The following ZDHHC15 variants were observed in gnomAD, a reference collection of about 807,000 sequenced individuals.
ZDHHC15 encodes palmitoyltransferase ZDHHC15.
In ZDHHC15, 19 loss-of-function variants were observed where a neutral mutation model predicts 31.7. That is an observed-to-expected ratio of 0.60 (90% CI 0.42 to 0.88). The LOEUF (loss-of-function observed/expected upper bound fraction) is 0.88, where lower values mean the gene tolerates loss of function less well. Among genes scored for constraint, ZDHHC15 ranks in the 40% least tolerant of loss-of-function variants. The probability of loss-of-function intolerance (pLI) is 0.00; values close to 1 mark genes in which losing one functional copy is unlikely to be tolerated. For synonymous variants in ZDHHC15, 103 were observed against 90.0 expected, an observed-to-expected ratio of 1.14 and a Z score of -0.82; for missense variants, 209 against 251.2, an observed-to-expected ratio of 0.83 and a Z score of 1.14.
At position 75,478,789 on chromosome X, in the gene ZDHHC15, A is replaced by G. The variant is rs139448429; in HGVS notation, c.258+102T>C. On this transcript the variant is annotated intron_variant, in intron 3 of 11. Transcript: ENST00000373367. Reference sequence around the variant, plus strand: ...CTAGGAGTTCTTTAAGATTACCCTGACTCTTTCGTATTATTTACTCCTCTT... The same window carrying G: ...CTAGGAGTTCTTTAAGATTACCCTGGCTCTTTCGTATTATTTACTCCTCTT... 1.1e-3 allele frequency: 650 copies of G among 595,202 alleles called. 2 individuals carry two copies. In the African/African-American group the frequency reaches 0.013, roughly 12 times the overall value. The allele number at this position is 595,202 out of a possible 1,213,427, so 49.1% of individuals were successfully genotyped here. A position where few individuals can be genotyped will look rare whatever the true frequency, so the allele number is the denominator to read the frequency against.
chrX:75,398,520 C>A lies in ZDHHC15; in HGVS notation c.967+18567G>T, dbSNP rs746171705. ...TCTTTGGATGACTTAGCCATTCCAA[C>A]CTTTGGGCTTTGGGGTGTCTGAGGT... is the stretch of plus-strand genomic sequence containing the variant. On this transcript the variant is annotated intron_variant, in intron 10 of 11. Transcript: ENST00000373367. 2.7e-4 allele frequency among the ~76,000 whole-genome samples: 30 copies of A among 112,936 alleles called. No individual in the cohort carries two copies. The South Asian group carries it at 0.011, about 41-fold the overall frequency.
chrX:75,517,652 G>T (rs2085379472), intron 1 of ZDHHC15, among the ~76,000 whole-genome samples: 1 of 107,197 alleles, frequency 9.3e-6, no homozygotes, highest in African/African-American at 3.4e-5. Context: ...AGGAGTTAAT[G>T]GGTGCAGCAC....
chrX:75,491,134 C>A (rs2084881739), intron 2 of ZDHHC15, among the ~76,000 whole-genome samples: 1 of 110,755 alleles, frequency 9.0e-6, no homozygotes, highest in Non-Finnish European at 1.9e-5. Flanking sequence ...GGGTATATAC[C>A]CAAAGGATTA....
intron 4 of ZDHHC15, among the ~76,000 whole-genome samples, chrX:75,449,976 G>T (rs1031610749): frequency 4.5e-5 from 5 of 111,829 alleles, no homozygotes; most frequent in African/African-American, 9.7e-5. Flanking sequence ...ATATGTCTTT[G>T]CACAGATACT....
Position 75,424,893 on chromosome X carries a change from T to G in ZDHHC15, c.604-109A>C, listed in dbSNP as rs1390810211. The stretch of plus-strand genomic sequence containing the variant: ...ACATGTATAAAGTGTCTAGCTGTAA[T>G]TTAAAAAATAGATTCTGTAAAATTT... On this transcript the variant is annotated intron_variant, in intron 7 of 11. Transcript: ENST00000373367. 3 of 853,372 alleles carry G rather than the reference T, an allele frequency of 3.5e-6. No homozygotes were observed. In the Admixed American group the frequency reaches 1.4e-4, roughly 40 times the overall value. The allele number at this position is 853,372 out of a possible 1,213,427, so 70.3% of individuals were successfully genotyped here.
chrX:75,500,948 G>C (rs2085078422), intron 2 of ZDHHC15, among the ~76,000 whole-genome samples: 1 of 110,338 alleles, frequency 9.1e-6, no homozygotes, highest in Non-Finnish European at 1.9e-5. Flanking sequence ...CTGACACAAA[G>C]CAGATCTTTC....
chrX:75,501,179 T>C (rs1208976132), intron 2 of ZDHHC15, among the ~76,000 whole-genome samples: 3 of 110,823 alleles, frequency 2.7e-5, no homozygotes, highest in Non-Finnish European at 5.7e-5. Flanking sequence ...GGTTCATGAG[T>C]TCTCACAATT....
At chrX:75,416,223 C>T (rs2083546678) in intron 10 of ZDHHC15, among the ~76,000 whole-genome samples, 1 of 111,084 alleles carries the variant, frequency 9.0e-6, no homozygotes, top group South Asian at 3.8e-4. Context: ...CCTGGATAAT[C>T]CAACTGGGTA....
Position 75,372,043 on chromosome X carries a change from T to C in ZDHHC15, c.*935A>G, listed in dbSNP as rs1167388416. 8.9e-6 allele frequency: 1 copy of C among 112,002 alleles called. No individual in the cohort carries two copies. Among genetic ancestry groups the C allele is most frequent in the East Asian group, 2.8e-4 (1 of 3,580 alleles). The allele number at this position is 112,002 out of a possible 1,213,427, so 9.2% of individuals were successfully genotyped here. A position where few individuals can be genotyped will look rare whatever the true frequency, so the allele number is the denominator to read the frequency against. On this transcript the variant is annotated 3_prime_UTR_variant, in exon 12 of 12. Transcript: ENST00000373367. ...TTATGAAAGGCAGTGAAATTAAACC[T>C]GAAAATCACTCTGAAAACCCTTAAC...
At chrX:75,511,252 T>A (rs2085267410) in intron 1 of ZDHHC15, among the ~76,000 whole-genome samples, 1 of 1,834 alleles carries the variant, frequency 5.5e-4, no homozygotes, top group Non-Finnish European at 2.8e-3. Context: ...TTTCCTGACT[T>A]TTTAATGATT....
intron 3 of ZDHHC15, among the ~76,000 whole-genome samples, chrX:75,470,164 C>T (rs965909634): frequency 1.1e-4 from 12 of 111,070 alleles, no homozygotes; most frequent in Non-Finnish European, 1.3e-4. Context: ...GAGTAAGCAC[C>T]ATCTAATCAG....
chrX:75,467,726 G>A (rs1253247907), intron 3 of ZDHHC15, among the ~76,000 whole-genome samples: 2 of 112,223 alleles, frequency 1.8e-5, no homozygotes, highest in Admixed American at 9.5e-5. Context: ...AGGTGATGAC[G>A]ACAGTCATTT....
chrX:75,501,369 G>A (rs1320629888), intron 2 of ZDHHC15: 1 of 111,794 alleles, frequency 8.9e-6, no homozygotes, highest in Non-Finnish European at 1.9e-5. Context: ...GGGCATTTAG[G>A]TTGATTCCAC....
intron 2 of ZDHHC15, among the ~76,000 whole-genome samples, chrX:75,492,517 C>T (rs965601273): frequency 4.5e-5 from 5 of 111,424 alleles, no homozygotes; most frequent in Non-Finnish European, 7.5e-5. Context: ...CCAAAATTGA[C>T]CACATAGTTG....
chrX:75,503,378 G>A (rs1016602586), intron 2 of ZDHHC15, among the ~76,000 whole-genome samples: 2 of 111,030 alleles, frequency 1.8e-5, no homozygotes, highest in Non-Finnish European at 3.8e-5. Flanking sequence ...TTATAATCCT[G>A]AAATATGTTA....
chrX:75,517,040 C>T (rs1320255120), intron 1 of ZDHHC15, among the ~76,000 whole-genome samples: 1 of 111,816 alleles, frequency 8.9e-6, no homozygotes, highest in Non-Finnish European at 1.9e-5. Flanking sequence ...CAATGAGATA[C>T]CATCTCACAC....
intron 4 of ZDHHC15, among the ~76,000 whole-genome samples, chrX:75,437,413 T>A (rs2083871590): frequency 1.1e-5 from 1 of 89,071 alleles, no homozygotes; most frequent in African/African-American, 4.1e-5. Flanking sequence ...ATTAGGTATA[T>A]CTCCCAATGC....
chrX:75,437,222 T>C (rs1366651087), intron 4 of ZDHHC15, among the ~76,000 whole-genome samples: 1 of 111,286 alleles, frequency 9.0e-6, no homozygotes, highest in African/African-American at 3.3e-5. Flanking sequence ...AGTGTGTAGT[T>C]TAAGTCTACT....
intron 2 of ZDHHC15, 34 bp from the exon 3 acceptor site, chrX:75,479,019 C>A (rs1393969337): frequency 5.2e-6 from 5 of 966,521 alleles, no homozygotes; most frequent in African/African-American, 4.0e-5. Context: ...TTTATACTAT[C>A]TTTTTATCCA....
Sources: allele counts gnomAD v4.1 joint callset (sites outside exome capture counted in the v4.1 genomes callset), GRCh38; gene constraint gnomAD v4.1.1; transcripts MANE v1.5; gene names NCBI Gene and HGNC (gene_info 2026-07-23, HGNC 2026-07-21).